FAM149B1: variants seen among roughly 807,000 people sequenced by gnomAD.
FAM149B1 encodes primary cilium assembly protein FAM149B1.
FAM149B1 carries 56 observed loss-of-function variants against 75.3 expected under a neutral mutation model. The observed-to-expected ratio is 0.74, with a 90% CI of 0.60 to 0.93. FAM149B1 has a LOEUF of 0.93. Among genes scored for constraint, FAM149B1 ranks in the 40% least tolerant of loss-of-function variants. The pLI is 0.00. For missense variants in FAM149B1, 639 were observed against 708.4 expected (o/e 0.90, Z 1.11); for synonymous variants, 259 against 256.1 (o/e 1.01, Z -0.11).
chr10:73,218,956 G>A (rs1270700403), intron 7 of FAM149B1, among the ~76,000 whole-genome samples: 2 of 152,190 alleles, frequency 1.3e-5, no homozygotes, highest in East Asian at 1.9e-4. Context: ...TGCTTTCTAC[G>A]AGACTACAGG....
At chr10:73,171,189 T>C (rs1306752973) in intron 1 of FAM149B1, among the ~76,000 whole-genome samples, 1 of 152,216 alleles carries the variant, frequency 6.6e-6, no homozygotes. Flanking sequence ...TCTGTCTGCC[T>C]CGGTCTCCCA....
chr10:73,237,778 T>G (rs1296019132), intron 12 of FAM149B1, among the ~76,000 whole-genome samples: 1 of 151,728 alleles, frequency 6.6e-6, no homozygotes, highest in Non-Finnish European at 1.5e-5. Flanking sequence ...CAGGCTGGAG[T>G]GTAGTGGTGC....
intron 7 of FAM149B1, among the ~76,000 whole-genome samples, chr10:73,227,104 T>C (rs184005652): frequency 1.2e-4 from 19 of 152,334 alleles, no homozygotes; most frequent in Non-Finnish European, 1.8e-4. Flanking sequence ...TTTTTATTTA[T>C]TGAAACAGGG....
intron 3 of FAM149B1, among the ~76,000 whole-genome samples, chr10:73,190,356 G>A (rs1195377521): frequency 6.6e-6 from 1 of 151,678 alleles, no homozygotes; most frequent in South Asian, 2.1e-4. Context: ...ACAATGGCTA[G>A]CCACAAGTGC....
chr10:73,232,200 CCT>C (rs2043722280), intron 9 of FAM149B1, among the ~76,000 whole-genome samples: 1 of 151,332 alleles, frequency 6.6e-6, no homozygotes, highest in South Asian at 2.1e-4. Context: ...AGTCAAATGT[CCT>C]CTCACTTGCT....
intron 7 of FAM149B1, among the ~76,000 whole-genome samples, chr10:73,213,805 C>T (rs2043241228): frequency 6.6e-6 from 1 of 152,030 alleles, no homozygotes; most frequent in South Asian, 2.1e-4. Context: ...GCTATTTGAG[C>T]TCTTTTTTGG....
chr10:73,195,188 T>C (rs1472055115), intron 5 of FAM149B1, among the ~76,000 whole-genome samples: 1 of 152,208 alleles, frequency 6.6e-6, no homozygotes, highest in African/African-American at 2.4e-5. Flanking sequence ...TACCTTCCAA[T>C]AGTTGTAGTA....
intron 3 of FAM149B1, among the ~76,000 whole-genome samples, chr10:73,181,799 G>C (rs1026561649): frequency 1.3e-5 from 2 of 152,146 alleles, no homozygotes; most frequent in Non-Finnish European, 2.9e-5. Context: ...TTTCTTTGTT[G>C]ATTTTGTCTG....
At chr10:73,210,472 A>T (rs1253907819) in intron 7 of FAM149B1, 34 bp downstream of exon 7, 1 of 1,413,154 alleles carries the variant, frequency 7.1e-7, no homozygotes, top group Admixed American at 2.1e-5. Context: ...GTAAAAATCA[A>T]TTGTTTATGA....
At chr10:73,177,200 T>G (rs1181599092) in intron 2 of FAM149B1, among the ~76,000 whole-genome samples, 1 of 151,754 alleles carries the variant, frequency 6.6e-6, no homozygotes, top group Non-Finnish European at 1.5e-5. Flanking sequence ...CGAGACCCCA[T>G]CTCAAAAAAT....
chr10:73,209,526 A>G (rs894885688), intron 6 of FAM149B1, among the ~76,000 whole-genome samples: 2 of 152,254 alleles, frequency 1.3e-5, no homozygotes, highest in Non-Finnish European at 2.9e-5. Flanking sequence ...CACAGATTTT[A>G]TAATTAATAA....
At chr10:73,174,863 A>G in intron 2 of FAM149B1, 72 bp downstream of exon 2, 1 of 1,027,082 alleles carries the variant, frequency 9.7e-7, no homozygotes, top group Non-Finnish European at 1.5e-6. Context: ...TTGGCTTAAG[A>G]TTGGTGTCAA....
In FAM149B1 at chr10:73,174,757, A is replaced by G. The variant is rs1200630133; in HGVS notation, c.118A>G (p.Ser40Gly). Reference sequence around the variant, plus strand: ...GAAGCTGGAGGAAATTTCCCCCACCAGTGACAGTCATGAGAAAGACACAAG... The same window carrying G: ...GAAGCTGGAGGAAATTTCCCCCACCGGTGACAGTCATGAGAAAGACACAAG... ...PEKLEEISPT[S>G]DSHEKDTSSQ... Residue 40 changes from serine to glycine, a missense_variant, in exon 2 of 14, where the codon AGT becomes GGT. Coordinates refer to ENST00000242505, the MANE Select transcript of FAM149B1 (RefSeq NM_173348.2). The G allele has an allele frequency of 1.3e-6, 2 of 1,551,080 alleles. No individual in the cohort carries two copies. The highest frequency in any genetic ancestry group is 1.7e-6 in the Non-Finnish European group (2 of 1,146,534).
At chr10:73,236,232 A>T (rs2043818256) in intron 12 of FAM149B1, among the ~76,000 whole-genome samples, 1 of 152,168 alleles carries the variant, frequency 6.6e-6, no homozygotes, top group Non-Finnish European at 1.5e-5. Context: ...GGTGCCTTAA[A>T]ACAGCAGAAA....
chr10:73,184,165 C>T (rs545364307), intron 3 of FAM149B1, among the ~76,000 whole-genome samples: 1 of 152,200 alleles, frequency 6.6e-6, no homozygotes, highest in South Asian at 2.1e-4. Flanking sequence ...AAATTAAAAT[C>T]AGATGCAAAA....
intron 3 of FAM149B1, among the ~76,000 whole-genome samples, chr10:73,186,346 G>A (rs1356060392): frequency 6.6e-6 from 1 of 151,948 alleles, no homozygotes; most frequent in African/African-American, 2.4e-5. Flanking sequence ...AACCTGAAAG[G>A]TTGGGCATCT....
At chr10:73,226,137 AC>A (rs1439734587) in intron 7 of FAM149B1, among the ~76,000 whole-genome samples, 3 of 149,210 alleles carry the variant, frequency 2.0e-5, no homozygotes, top group Non-Finnish European at 4.4e-5. Flanking sequence ...GCCAGATTTG[AC>A]CCATGGGCTA....
intron 11 of FAM149B1, 111 bp downstream of exon 11, chr10:73,235,051 A>G (rs1191299101): frequency 6.8e-7 from 1 of 1,461,850 alleles, no homozygotes; most frequent in East Asian, 2.5e-5. Flanking sequence ...TGTCAAAAGT[A>G]CAAACACAGT....
intron 5 of FAM149B1, among the ~76,000 whole-genome samples, chr10:73,198,163 A>G (rs1352723943): frequency 6.6e-6 from 1 of 152,240 alleles, no homozygotes; most frequent in African/African-American, 2.4e-5. Context: ...CATGCAGAAC[A>G]ACGAAGTTGG....
Sources: gnomAD v4.1 joint callset for allele counts (sites outside exome capture counted in the v4.1 genomes callset) on GRCh38, gnomAD v4.1.1 for gene constraint, MANE v1.5 for transcripts, NCBI Gene and HGNC (gene_info 2026-07-23, HGNC 2026-07-21) for gene names.